Variants in COMMD10 observed in about 807,000 individuals in gnomAD.
COMMD10 encodes COMM domain-containing protein 10.
A neutral mutation model predicts 28.9 loss-of-function variants in COMMD10; 33 were observed. The ratio of observed to expected loss-of-function variants is 1.14; its 90% CI spans 0.87 to 1.53. COMMD10 has a LOEUF of 1.53. COMMD10 is among the 40% of genes most tolerant of loss of function. The pLI is 0.00. For synonymous variants in COMMD10, 110 were observed against 81.7 expected (o/e 1.35, Z -1.87); for missense variants, 310 against 233.4 (o/e 1.33, Z -2.14).
chr5:116,120,287 G>C (rs1751384781), intron 4 of COMMD10, among the ~76,000 whole-genome samples: 1 of 152,060 alleles, frequency 6.6e-6, no homozygotes, highest in African/African-American at 2.4e-5. Context: ...TCCCTTATTG[G>C]GAGCTAAGCT....
intron 5 of COMMD10, among the ~76,000 whole-genome samples, chr5:116,208,768 G>A (rs982131962): frequency 6.6e-6 from 1 of 152,082 alleles, no homozygotes; most frequent in Non-Finnish European, 1.5e-5. Flanking sequence ...AGTCTGAACG[G>A]TTCCCTGTTA....
intron 5 of COMMD10, among the ~76,000 whole-genome samples, chr5:116,188,828 C>T (rs1748244525): frequency 6.6e-6 from 1 of 152,058 alleles, no homozygotes; most frequent in South Asian, 2.1e-4. Context: ...GGGGGTTTCT[C>T]CATGTTGCCC....
chr5:116,131,035 G>C (rs1044551152), intron 4 of COMMD10, among the ~76,000 whole-genome samples: 1 of 151,818 alleles, frequency 6.6e-6, no homozygotes, highest in Non-Finnish European at 1.5e-5. Context: ...AAATATACAC[G>C]TATCTAGTTG....
intron 5 of COMMD10, among the ~76,000 whole-genome samples, chr5:116,193,314 A>G (rs558587028): frequency 1.3e-5 from 2 of 152,232 alleles, no homozygotes; most frequent in Non-Finnish European, 2.9e-5. Flanking sequence ...GGTACCTCAC[A>G]TATCAATACT....
chr5:116,222,967 AGT>A (rs568082669), intron 5 of COMMD10, among the ~76,000 whole-genome samples: 21 of 152,234 alleles, frequency 1.4e-4, no homozygotes, highest in African/African-American at 5.1e-4. Flanking sequence ...TGGGATTACA[AGT>A]GTGAGCCACT....
chr5:116,263,115 A>G (rs923054864), intron 5 of COMMD10, among the ~76,000 whole-genome samples: 1 of 151,816 alleles, frequency 6.6e-6, no homozygotes, highest in Non-Finnish European at 1.5e-5. Flanking sequence ...CGAATATATA[A>G]GCCGTTTTTA....
intron 5 of COMMD10, among the ~76,000 whole-genome samples, chr5:116,218,675 C>T (rs566675819): frequency 6.6e-6 from 1 of 152,106 alleles, no homozygotes; most frequent in East Asian, 1.9e-4. Flanking sequence ...AAAGTAGAAC[C>T]ATATTCCCAA....
intron 5 of COMMD10, among the ~76,000 whole-genome samples, chr5:116,207,649 C>A (rs1253335739): frequency 3.9e-5 from 6 of 152,104 alleles, no homozygotes; most frequent in Admixed American, 2.6e-4. Flanking sequence ...CCTCAGCCTC[C>A]CAAGTAGCTG....
chr5:116,290,937 T>C (rs1751344263), intron 5 of COMMD10, among the ~76,000 whole-genome samples: 2 of 152,204 alleles, frequency 1.3e-5, no homozygotes, highest in African/African-American at 4.8e-5. Context: ...TAAAGGATTC[T>C]CTAATGCATG....
intron 5 of COMMD10, among the ~76,000 whole-genome samples, chr5:116,156,233 T>C (rs905535532): frequency 4.6e-5 from 7 of 152,260 alleles, no homozygotes; most frequent in Middle Eastern, 3.4e-3. Context: ...GGCACTGGTA[T>C]GTAGTAAAAA....
intron 4 of COMMD10, among the ~76,000 whole-genome samples, chr5:116,111,260 G>T (rs1372053523): frequency 6.6e-6 from 1 of 151,626 alleles, no homozygotes; most frequent in Non-Finnish European, 1.5e-5. Context: ...TTTGGTCTCT[G>T]TTTTATTTAG....
intron 5 of COMMD10, among the ~76,000 whole-genome samples, chr5:116,226,029 A>AT: frequency 6.6e-6 from 1 of 151,920 alleles, no homozygotes; most frequent in Admixed American, 6.6e-5. Context: ...GTGCGATGCC[A>AT]TTTTTTTCTT....
intron 4 of COMMD10, among the ~76,000 whole-genome samples, chr5:116,108,519 G>A (rs1028733848): frequency 2.0e-5 from 3 of 152,226 alleles, no homozygotes; most frequent in South Asian, 2.1e-4. Context: ...TCAAGCCTCA[G>A]CAATGGCGGA....
Position 116,148,832 on chromosome 5 carries a change from A to G in COMMD10, c.510+14654A>G, listed in dbSNP as rs73253273. ...AAATTACATATATTATGGGATTTGTATTTGTTTTTTTGTATTTTATTATTA... is the reference window on the plus strand; with the variant it reads ...AAATTACATATATTATGGGATTTGTGTTTGTTTTTTTGTATTTTATTATTA... On this transcript the variant is annotated intron_variant, in intron 5 of 6. Transcript: ENST00000274458. 8.4e-3 allele frequency among the ~76,000 whole-genome samples: 1,269 copies of G among 151,444 alleles called. 17 individuals are homozygous for G. The highest frequency in any genetic ancestry group is 0.028 in the African/African-American group (1,176 of 41,296).
At chr5:116,203,907 A>C (rs1748742031) in intron 5 of COMMD10, among the ~76,000 whole-genome samples, 2 of 152,172 alleles carry the variant, frequency 1.3e-5, no homozygotes, top group Non-Finnish European at 1.5e-5. Flanking sequence ...CTTTAAATGT[A>C]AATGGACTAA....
intron 4 of COMMD10, among the ~76,000 whole-genome samples, chr5:116,118,546 A>G (rs1751317973): frequency 6.6e-6 from 1 of 152,196 alleles, no homozygotes; most frequent in Non-Finnish European, 1.5e-5. Flanking sequence ...CAATAAAAGG[A>G]GGAGGCTATG....
chr5:116,143,888 G>T (rs752985380), intron 5 of COMMD10, among the ~76,000 whole-genome samples: 1 of 151,798 alleles, frequency 6.6e-6, no homozygotes, highest in South Asian at 2.1e-4. Context: ...GGGCTAGCAG[G>T]AAATACATAT....
chr5:116,231,279 G>T (rs541032386), intron 5 of COMMD10, among the ~76,000 whole-genome samples: 33 of 152,270 alleles, frequency 2.2e-4, no homozygotes, highest in African/African-American at 7.7e-4. Flanking sequence ...TGGAATTTTT[G>T]ATGTAGCAGT....
At chr5:116,196,808 T>G (rs1301469241) in intron 5 of COMMD10, among the ~76,000 whole-genome samples, 1 of 152,090 alleles carries the variant, frequency 6.6e-6, no homozygotes, top group Admixed American at 6.6e-5. Flanking sequence ...TGATGAATCT[T>G]TATCTTCCTA....
Sources: gnomAD v4.1 joint callset for allele counts (sites outside exome capture counted in the v4.1 genomes callset) on GRCh38, gnomAD v4.1.1 for gene constraint, MANE v1.5 for transcripts, NCBI Gene and HGNC (gene_info 2026-07-23, HGNC 2026-07-21) for gene names.